Variants in ITPKA observed in about 807,000 individuals in gnomAD.
ITPKA encodes the protein IP3 3-kinase A.
A neutral mutation model predicts 40.7 loss-of-function variants in ITPKA; 16 were observed. The observed-to-expected ratio is 0.39, with a 90% CI of 0.27 to 0.60. The LOEUF (loss-of-function observed/expected upper bound fraction) is 0.60. Ranked by LOEUF, ITPKA falls within the 20% of genes least tolerant of loss-of-function variation. ITPKA has a pLI of 0.50. For synonymous variants in ITPKA, 313 were observed against 289.9 expected (o/e 1.08, Z -0.81); for missense variants, 540 against 649.3 (o/e 0.83, Z 1.83).
Position 41,502,832 on chromosome 15 carries a change from G to A in ITPKA, c.1155G>A (p.Glu385=), listed in dbSNP as rs778098416. 17 of 1,612,848 alleles carry A rather than the reference G, an allele frequency of 1.1e-5. No homozygotes were observed. The Middle Eastern group carries it at 8.2e-4, about 78-fold the overall frequency. Residue 385 remains glutamate, a synonymous_variant, in exon 6 of 7, where the codon GAG becomes GAA. Coordinates refer to ENST00000260386, the MANE Select transcript of ITPKA (RefSeq NM_002220.3). ...NRLQQIRDTL[E]VSEFFRRHEV... is the part of the protein sequence containing the mutation. ...TGCAGCAGATCCGGGACACCCTGGA[G>A]GTATCCGAGTTCTTCAGGAGGCACG...
At chr15:41,498,392 C>T (rs2051088749) in intron 1 of ITPKA, among the ~76,000 whole-genome samples, 1 of 151,772 alleles carries the variant, frequency 6.6e-6, no homozygotes, top group Non-Finnish European at 1.5e-5. Flanking sequence ...TTATGAGATG[C>T]AGAAAACCAA....
intron 6 of ITPKA, 27 bp from the exon 7 acceptor site, chr15:41,502,936 C>T (rs779330883): frequency 1.9e-6 from 3 of 1,596,752 alleles, no homozygotes; most frequent in South Asian, 1.1e-5. Context: ...TGGGCAGGGC[C>T]GCGGCCTGAC....
At position 41,503,100 on chromosome 15, in the gene ITPKA, C is replaced by G. The variant is rs766564895; in HGVS notation, c.1320C>G (p.Arg440=). 1 of 1,604,550 alleles carries G rather than the reference C, an allele frequency of 6.2e-7. No homozygotes were observed. The highest frequency in any genetic ancestry group is 8.5e-7 in the Non-Finnish European group (1 of 1,172,614). Residue 440 remains arginine, a synonymous_variant, in exon 7 of 7, where the codon CGC becomes CGG. Transcript: ENST00000260386. ...DHRRPWEEGN[R]EDGYLLGLDN... is the part of the protein sequence containing the mutation. ...GGCGGCCCTGGGAGGAGGGCAACCG[C>G]GAGGACGGCTATTTGCTGGGGCTGG...
chr15:41,503,146 G>A lies in ITPKA; in HGVS notation c.1366G>A (p.Ala456Thr). ...GCTGGACAATCTCATTGGCATCCTG[G>A]CCAGCCTGGCTGAGAGATGAGGCTG... ...LGLDNLIGILASLAER is the reference protein window; with the variant it reads ...LGLDNLIGILTSLAER Residue 456 changes from alanine (A) to threonine (T), a missense_variant, in exon 7 of 7, where the codon GCC becomes ACC. Coordinates refer to ENST00000260386, the MANE Select transcript of ITPKA (RefSeq NM_002220.3). 1 of 1,589,120 alleles carries A rather than the reference G, an allele frequency of 6.3e-7. No individual in the cohort carries two copies. The highest frequency in any genetic ancestry group is 8.6e-7 in the Non-Finnish European group (1 of 1,160,832).
intron 5 of ITPKA, 114 bp downstream of exon 5, chr15:41,502,617 G>A: frequency 6.7e-6 from 6 of 896,432 alleles, no homozygotes; most frequent in Non-Finnish European, 5.3e-6. Flanking sequence ...CACCGCGCTG[G>A]CTCGCAACTG....
intron 1 of ITPKA, among the ~76,000 whole-genome samples, chr15:41,496,329 C>G (rs1231108119): frequency 6.6e-6 from 1 of 152,214 alleles, no homozygotes; most frequent in African/African-American, 2.4e-5. Flanking sequence ...TTACGCGCGG[C>G]CCAGGCAGGC....
Position 41,503,249 on chromosome 15 carries a change from T to G in ITPKA, c.*83T>G, listed in dbSNP as rs1180227299. 3 of 1,059,944 alleles carry G rather than the reference T, an allele frequency of 2.8e-6. No individual in the cohort carries two copies. Among genetic ancestry groups the G allele is most frequent in the East Asian group, 2.6e-5 (1 of 38,478 alleles). The allele number at this position is 1,059,944 out of a possible 1,614,324, so 65.7% of individuals were successfully genotyped here. A position where few individuals can be genotyped will look rare whatever the true frequency, so the allele number is the denominator to read the frequency against. On this transcript the variant is annotated 3_prime_UTR_variant, in exon 7 of 7. Transcript: ENST00000260386. ...CCCACTGTGCATGCCGGCTTGAGAC[T>G]GGAGCCCCGCGGTGCAGGGCAGTTC...
In ITPKA at chr15:41,496,380, T is replaced by C. The variant is rs540578800; in HGVS notation, c.489+1964T>C. Among the ~76,000 whole-genome samples, 4 of 152,272 alleles carry C rather than the reference T, an allele frequency of 2.6e-5. No individual in the cohort carries two copies. In the South Asian group the frequency reaches 8.3e-4, roughly 32 times the overall value. ...TTCTGCCTGCCTGCCTGCCTACCTC[T>C]CTGCCTGGGGCATACGTAGTCCCCT... is the stretch of plus-strand genomic sequence containing the variant. On this transcript the variant is annotated intron_variant, in intron 1 of 6. Transcript: ENST00000260386.
Position 41,495,620 on chromosome 15 carries a change from C to G in ITPKA, c.489+1204C>G, listed in dbSNP as rs1050057826. 2.0e-5 allele frequency among the ~76,000 whole-genome samples: 3 copies of G among 152,132 alleles called. No individual in the cohort carries two copies. In the East Asian group the frequency reaches 5.8e-4, roughly 29 times the overall value. ...ACTAGCCTGCCGCTTCCCCTTCTTC[C>G]CCGGTGGTCAGAGCAGCCCCGGACC... On this transcript the variant is annotated intron_variant, in intron 1 of 6. Transcript: ENST00000260386.
chr15:41,501,329 G>T, intron 1 of ITPKA, 134 bp from the exon 2 acceptor site: 2 of 1,472,296 alleles, frequency 1.4e-6, no homozygotes, highest in Non-Finnish European at 1.8e-6. Context: ...CAGAGTGAAT[G>T]AATGAATTAA....
Position 41,502,083 on chromosome 15 carries a change from C to G in ITPKA, c.890C>G (p.Pro297Arg). The G allele has an allele frequency of 6.2e-7, 1 of 1,613,046 alleles. No individual in the cohort carries two copies. The highest frequency in any genetic ancestry group is 8.5e-7 in the Non-Finnish European group (1 of 1,179,898). Residue 297 changes from proline (P) to arginine (R), a missense_variant, in exon 4 of 7, where the codon CCT becomes CGT. Pro to Arg is a moderately radical substitution (Grantham distance 103). Coordinates refer to ENST00000260386, the MANE Select transcript of ITPKA (RefSeq NM_002220.3). ...TACAAGAAAATGCTGGCGGTGGATC[C>G]TGAAGCTCCCACGGAGGAGGAGCAC... is the stretch of plus-strand genomic sequence containing the variant. ...DMYKKMLAVD[P>R]EAPTEEEHAQ...
Position 41,494,449 on chromosome 15 carries a change from C to T in ITPKA, c.489+33C>T. On this transcript the variant is annotated intron_variant, in intron 1 of 6. Transcript: ENST00000260386. The surrounding 1 kb of genome is among the most constrained non-coding windows in gnomAD (Gnocchi z 7.8). ...CCGCGGGGGCGGGGCCAGCGCCGGG[C>T]GCGGGGGCTGCACGGGGGACCTGGC... The T allele has an allele frequency of 7.3e-7, 1 of 1,362,916 alleles. No individual in the cohort carries two copies. The allele number at this position is 1,362,916 out of a possible 1,614,324, so 84.4% of individuals were successfully genotyped here. A position where few individuals can be genotyped will look rare whatever the true frequency, so the allele number is the denominator to read the frequency against.
rs1324079543 is a variant in ITPKA at position 41,502,973 on chromosome 15, G to A, written c.1193G>A (p.Ser398Asn). ...GTGCGGGGCTCGCAGGTGATCGGCA[G>A]CTCGCTCCTCTTTGTGCACGATCAC... ...EFFRRHEVIG[S>N]SLLFVHDHCH... The change falls in exon 7 of 7, where the codon AGC (serine) becomes AAC (asparagine). Residue 398 changes from serine (S) to asparagine (N), a missense_variant. Coordinates refer to ENST00000260386, the MANE Select transcript of ITPKA (RefSeq NM_002220.3). 6.2e-7 allele frequency: 1 copy of A among 1,601,232 alleles called. No individual in the cohort carries two copies. Among genetic ancestry groups the A allele is most frequent in the Non-Finnish European group, 8.5e-7 (1 of 1,173,044 alleles).
chr15:41,499,937 G>A (rs2051098756), intron 1 of ITPKA, among the ~76,000 whole-genome samples: 1 of 152,112 alleles, frequency 6.6e-6, no homozygotes, highest in Admixed American at 6.5e-5. Context: ...AAGTTGACAG[G>A]CCCTCAGGTT....
At chr15:41,502,697 A>G in intron 5 of ITPKA, 91 bp from the exon 6 acceptor site, 1 of 1,272,990 alleles carries the variant, frequency 7.9e-7, no homozygotes, top group Non-Finnish European at 1.1e-6. Flanking sequence ...GCATTTGCCA[A>G]GCACAGCGTG....
In ITPKA at chr15:41,502,133, C is replaced by A; in HGVS notation, c.940C>A (p.Arg314Ser). 1 of 1,609,698 alleles carries A rather than the reference C, an allele frequency of 6.2e-7. No homozygotes were observed. The highest frequency in any genetic ancestry group is 8.5e-7 in the Non-Finnish European group (1 of 1,178,552). The change falls in exon 4 of 7, where the codon CGC (arginine) becomes AGC (serine). Residue 314 changes from arginine (R) to serine (S), a missense_variant. Transcript: ENST00000260386. ...CGCGCAGCGCGCCGTCACCAAGCCG[C>A]GCTACATGCAGTGGCGGGAAGGCAT... Reference protein sequence around the residue: ...EHAQRAVTKPRYMQWREGISS... With the variant: ...EHAQRAVTKPSYMQWREGISS...
intron 1 of ITPKA, among the ~76,000 whole-genome samples, chr15:41,501,061 C>T (rs2051106437): frequency 7.3e-6 from 1 of 137,900 alleles, no homozygotes; most frequent in Admixed American, 7.5e-5. Context: ...CAACTTAGAA[C>T]ATCCCTGCGG....
chr15:41,496,087 C>A (rs1247226128), intron 1 of ITPKA, among the ~76,000 whole-genome samples: 1 of 152,256 alleles, frequency 6.6e-6, no homozygotes, highest in Non-Finnish European at 1.5e-5. Flanking sequence ...GGGGCCTCCC[C>A]GAAGTCAAAC....
In ITPKA at chr15:41,501,565, C is replaced by T. The variant is rs1481279348; in HGVS notation, c.586+6C>T. 4 of 359,096 alleles carry T rather than the reference C, an allele frequency of 1.1e-5. No individual in the cohort carries two copies. Among genetic ancestry groups the T allele is most frequent in the African/African-American group, 5.3e-5 (1 of 18,842 alleles). The allele number at this position is 359,096 out of a possible 1,614,324, so 22.2% of individuals were successfully genotyped here. ...GCAGCTGGCAGGGCACACTGGTGAG[C>T]AGTGGGGCGGGTGGGCGGGTGCCCG... On this transcript the variant is annotated splice_donor_region_variant and intron_variant, in intron 2 of 6. Transcript: ENST00000260386.
Sources: allele counts gnomAD v4.1 joint callset (sites outside exome capture counted in the v4.1 genomes callset), GRCh38; gene constraint gnomAD v4.1.1; non-coding constraint Gnocchi (gnomAD v3.1); transcripts MANE v1.5; gene names NCBI Gene and HGNC (gene_info 2026-07-23, HGNC 2026-07-21).